The following IDE variants were observed in gnomAD, a reference collection of about 807,000 sequenced individuals.
The protein encoded by IDE is insulin degrading enzyme.
In IDE, 58 loss-of-function variants were observed where a neutral mutation model predicts 133.2. The ratio of observed to expected loss-of-function variants is 0.44; its 90% CI spans 0.35 to 0.54. The LOEUF (loss-of-function observed/expected upper bound fraction) is 0.54. IDE is among the 20% of genes least tolerant of loss of function. The pLI is 0.00. For missense variants in IDE, 981 were observed against 1,234.0 expected (o/e 0.79, Z 3.07); for synonymous variants, 396 against 421.3 (o/e 0.94, Z 0.73).
intron 1 of IDE, among the ~76,000 whole-genome samples, chr10:92,545,868 C>T (rs1487229536): frequency 1.3e-5 from 2 of 152,186 alleles, no homozygotes; most frequent in Non-Finnish European, 2.9e-5. Flanking sequence ...ATGGGTACAA[C>T]CATTTTCAAA....
At chr10:92,502,172 C>T (rs558266899) in intron 11 of IDE, among the ~76,000 whole-genome samples, 1 of 152,114 alleles carries the variant, frequency 6.6e-6, no homozygotes, top group South Asian at 2.1e-4. Context: ...AAAAGAAAAA[C>T]AGCCTACCAG....
At chr10:92,530,796 C>T (rs1319447085) in intron 4 of IDE, among the ~76,000 whole-genome samples, 1 of 152,106 alleles carries the variant, frequency 6.6e-6, no homozygotes, top group African/African-American at 2.4e-5. Flanking sequence ...TTTTTGAAAA[C>T]TCCTAATTCT....
At chr10:92,480,301 C>G (rs570822750) in intron 14 of IDE, among the ~76,000 whole-genome samples, 1 of 152,340 alleles carries the variant, frequency 6.6e-6, no homozygotes, top group East Asian at 1.9e-4. Flanking sequence ...ATGCTTACTA[C>G]AGTGCCAGGC....
rs367921055 is a variant in IDE at position 92,500,414 on chromosome 10, AC to A, written c.1430+4379del. ...AAAGGGAATCCTGTCATATGCTACAACATGGATGAACCTTGAAGACATTATA... is the reference window on the plus strand; with the variant it reads ...AAAGGGAATCCTGTCATATGCTACAAATGGATGAACCTTGAAGACATTATA... On this transcript the variant is annotated intron_variant, in intron 11 of 24. Transcript: ENST00000265986. Among the ~76,000 whole-genome samples, 690 of 152,338 alleles carry A rather than the reference AC, an allele frequency of 4.5e-3. 2 individuals are homozygous for A. The highest frequency in any genetic ancestry group is 0.016 in the African/African-American group (651 of 41,586).
At chr10:92,469,437 T>TC (rs1404638451) in intron 18 of IDE, among the ~76,000 whole-genome samples, 3 of 151,788 alleles carry the variant, frequency 2.0e-5, no homozygotes, top group Non-Finnish European at 4.4e-5. Flanking sequence ...ATCTTTTCTT[T>TC]TTTTTTTTTG....
In IDE at chr10:92,537,400, C is replaced by T. The variant is rs369707934; in HGVS notation, c.249G>A (p.Thr83=). The T allele has an allele frequency of 8.1e-6, 13 of 1,610,300 alleles. No homozygotes were observed. In the African/African-American group the frequency reaches 1.1e-4, roughly 13 times the overall value. ...CATCAAGTGCTGCTGATGACTTATC[C>T]GTGGTGGGATCACTGATAAGAAGTA... ...IKVLLISDPT[T]DKSSAALDVH... is the part of the protein sequence containing the mutation. Residue 83 remains threonine, a synonymous_variant, in exon 2 of 25, where the codon ACG becomes ACA. Transcript: ENST00000265986.
intron 1 of IDE, among the ~76,000 whole-genome samples, chr10:92,569,556 A>G (rs1843693844): frequency 6.6e-6 from 1 of 152,150 alleles, no homozygotes; most frequent in Admixed American, 6.6e-5. Context: ...AGGATGAAAG[A>G]CTCAGGAGGA....
At chr10:92,553,114 T>C (rs998510044) in intron 1 of IDE, among the ~76,000 whole-genome samples, 2 of 151,772 alleles carry the variant, frequency 1.3e-5, no homozygotes, top group African/African-American at 4.8e-5. Flanking sequence ...TTCATAGCAA[T>C]ATAAATAAAT....
chr10:92,492,420 C>G (rs964001822), intron 11 of IDE, among the ~76,000 whole-genome samples: 1 of 152,110 alleles, frequency 6.6e-6, no homozygotes, highest in Non-Finnish European at 1.5e-5. Flanking sequence ...AGGGACACTC[C>G]GCCTCTACTG....
In IDE at chr10:92,490,587, A is replaced by G. The variant is rs2135460612; in HGVS notation, c.1439T>C (p.Ile480Thr). The part of the protein sequence containing the change: ...KLRPENVRVA[I>T]VSKSFEGKTD... ...TTTTCCTTCAAAAGATTTAGAAACT[A>G]TGGCAACCCTAGAGATAGAAAAAAC... The change falls in exon 12 of 25, where the codon ATA (isoleucine) becomes ACA (threonine). Residue 480 changes from isoleucine (I) to threonine (T), a missense_variant. Physicochemically the swap from Ile to Thr is moderately conservative, Grantham distance 89. Coordinates refer to ENST00000265986, the MANE Select transcript of IDE (RefSeq NM_004969.4). 6.2e-7 allele frequency: 1 copy of G among 1,602,056 alleles called. No individual in the cohort carries two copies. The highest frequency in any genetic ancestry group is 2.2e-5 in the East Asian group (1 of 44,808).
intron 1 of IDE, among the ~76,000 whole-genome samples, chr10:92,544,481 C>T (rs1842455046): frequency 6.6e-6 from 1 of 152,144 alleles, no homozygotes; most frequent in Non-Finnish European, 1.5e-5. Flanking sequence ...GGTTAAGTGA[C>T]TTGCCCAAGG....
At chr10:92,500,799 T>G (rs1847964591) in intron 11 of IDE, among the ~76,000 whole-genome samples, 1 of 151,900 alleles carries the variant, frequency 6.6e-6, no homozygotes, top group Non-Finnish European at 1.5e-5. Context: ...AGGTCCTTTG[T>G]ATGTCCATAT....
At chr10:92,496,927 A>T (rs752604929) in intron 11 of IDE, among the ~76,000 whole-genome samples, 3 of 152,262 alleles carry the variant, frequency 2.0e-5, no homozygotes, top group Non-Finnish European at 2.9e-5. Flanking sequence ...GAGATGAGGC[A>T]GAAAACTGGA....
intron 1 of IDE, among the ~76,000 whole-genome samples, chr10:92,572,707 A>AC (rs1351771353): frequency 6.6e-6 from 1 of 152,170 alleles, no homozygotes; most frequent in African/African-American, 2.4e-5. Flanking sequence ...CCTTCTAATT[A>AC]CCCCAAGGAA....
At chr10:92,561,649 C>A (rs946508965) in intron 1 of IDE, among the ~76,000 whole-genome samples, 2 of 151,648 alleles carry the variant, frequency 1.3e-5, no homozygotes, top group African/African-American at 4.8e-5. Context: ...GTAGTCCCAG[C>A]TACTTGGGAG....
chr10:92,574,043 A>T lies in IDE; in HGVS notation c.-24T>A. The T allele has an allele frequency of 6.7e-7, 1 of 1,495,744 alleles. No homozygotes were observed. The highest frequency in any genetic ancestry group is 8.9e-7 in the Non-Finnish European group (1 of 1,121,114). 92.7% of individuals were successfully genotyped at this position (1,495,744 alleles called of 1,614,324 possible). A position where few individuals can be genotyped will look rare whatever the true frequency, so the allele number is the denominator to read the frequency against. ...ATTAGCCAGCGCAGTCGCCGGGATC[A>T]CCGCAAACGCTTCCTGCTTGCGCTT... is the stretch of plus-strand genomic sequence containing the variant. On this transcript the variant is annotated 5_prime_UTR_variant, in exon 1 of 25. Coordinates refer to ENST00000265986, the MANE Select transcript of IDE (RefSeq NM_004969.4).
At chr10:92,517,921 T>C (rs529880716) in intron 4 of IDE, among the ~76,000 whole-genome samples, 27 of 152,168 alleles carry the variant, frequency 1.8e-4, no homozygotes, top group East Asian at 5.8e-4. Flanking sequence ...GTCTGATTGA[T>C]TGATAGATAA....
chr10:92,529,498 C>T (rs78351766), intron 4 of IDE, among the ~76,000 whole-genome samples: 5,119 of 152,230 alleles, frequency 0.034, 138 homozygotes, highest in Admixed American at 0.06. Context: ...AAGAAATATG[C>T]CCTGAAACTT....
At chr10:92,494,916 T>C (rs1280158099) in intron 11 of IDE, among the ~76,000 whole-genome samples, 1 of 152,160 alleles carries the variant, frequency 6.6e-6, no homozygotes, top group East Asian at 1.9e-4. Context: ...TTCAAACAAT[T>C]AGTGGAAAGG....
Sources: gnomAD v4.1 joint callset for allele counts (sites outside exome capture counted in the v4.1 genomes callset) on GRCh38, gnomAD v4.1.1 for gene constraint, MANE v1.5 for transcripts, NCBI Gene and HGNC (gene_info 2026-07-23, HGNC 2026-07-21) for gene names.